FSTL5: variants seen among roughly 807,000 people sequenced by gnomAD.
The protein encoded by FSTL5 is follistatin-related protein 5.
A neutral mutation model predicts 89.1 loss-of-function variants in FSTL5; 62 were observed. That is an observed-to-expected ratio of 0.70 (90% CI 0.57 to 0.86). The LOEUF (loss-of-function observed/expected upper bound fraction) is 0.86, where lower values mean the gene tolerates loss of function less well. Ranked by LOEUF, FSTL5 falls within the 40% of genes least tolerant of loss-of-function variation. The probability of loss-of-function intolerance (pLI) is 0.00; values close to 1 mark genes in which losing one functional copy is unlikely to be tolerated. For synonymous variants in FSTL5, 383 were observed against 346.2 expected, an observed-to-expected ratio of 1.11 and a Z score of -1.18; for missense variants, 1,057 against 1,001.6, an observed-to-expected ratio of 1.06 and a Z score of -0.75.
chr4:161,812,342 A>G (rs1456958069), intron 4 of FSTL5, among the ~76,000 whole-genome samples: 2 of 152,188 alleles, frequency 1.3e-5, no homozygotes, highest in Admixed American at 6.5e-5. Flanking sequence ...GTAGGATCAC[A>G]GTCCCTGTGC....
intron 9 of FSTL5, among the ~76,000 whole-genome samples, chr4:161,540,845 T>C (rs1460103709): frequency 6.6e-6 from 1 of 152,138 alleles, no homozygotes; most frequent in African/African-American, 2.4e-5. Context: ...TAAACACTTA[T>C]CAATGCCTTT....
intron 4 of FSTL5, among the ~76,000 whole-genome samples, chr4:161,823,401 G>T (rs1730556936): frequency 6.6e-6 from 1 of 152,186 alleles, no homozygotes; most frequent in Non-Finnish European, 1.5e-5. Flanking sequence ...TTTCAGAGGG[G>T]ACTGAGACAG....
chr4:161,610,186 T>C (rs1734587464), intron 7 of FSTL5, among the ~76,000 whole-genome samples: 2 of 152,028 alleles, frequency 1.3e-5, no homozygotes, highest in South Asian at 2.1e-4. Context: ...CAATATGAGG[T>C]TTAAAAAATT....
intron 6 of FSTL5, among the ~76,000 whole-genome samples, chr4:161,694,656 T>A (rs1340716838): frequency 6.6e-6 from 1 of 152,050 alleles, no homozygotes; most frequent in Non-Finnish European, 1.5e-5. Context: ...TTGTTATTTT[T>A]TTCCCCATGA....
chr4:161,600,434 A>T (rs1341527094), intron 7 of FSTL5, among the ~76,000 whole-genome samples: 2 of 147,676 alleles, frequency 1.4e-5, no homozygotes, highest in Non-Finnish European at 3.0e-5. Flanking sequence ...AAGTATAGAT[A>T]TATCTCTTTT....
intron 4 of FSTL5, among the ~76,000 whole-genome samples, chr4:161,862,748 A>G (rs999846165): frequency 1.1e-4 from 17 of 152,066 alleles, no homozygotes; most frequent in Non-Finnish European, 2.4e-4. Flanking sequence ...AAATAAATAA[A>G]TAGAGAAAGA....
chr4:161,385,300 GT>G lies in FSTL5; in HGVS notation c.*446del, dbSNP rs1730578980. 1 of 158,010 alleles carries G rather than the reference GT, an allele frequency of 6.3e-6. No individual in the cohort carries two copies. Among genetic ancestry groups the G allele is most frequent in the Non-Finnish European group, 1.4e-5 (1 of 71,464 alleles). The allele number at this position is 158,010 out of a possible 1,614,324, so 9.8% of individuals were successfully genotyped here. A position where few individuals can be genotyped will look rare whatever the true frequency, so the allele number is the denominator to read the frequency against. On this transcript the variant is annotated 3_prime_UTR_variant, in exon 16 of 16. Transcript: ENST00000306100. ...TTCAAGGCACAAAATATTATAAACA[GT>G]GGACAGGACCGAATATTTTGAATTA...
intron 8 of FSTL5, among the ~76,000 whole-genome samples, chr4:161,551,683 A>G (rs1490241555): frequency 1.3e-5 from 2 of 151,990 alleles, no homozygotes; most frequent in African/African-American, 2.4e-5. Flanking sequence ...ATAATGCCGC[A>G]TATCTACAAC....
rs114672419 is a variant in FSTL5, at chr4:161,553,351, C to T, written c.1016-10658G>A. ...TTCTACAAAAATGTAATCAAGTAAA[C>T]TTCTATTACCTAAAATGGAAGGAGA... On this transcript the variant is annotated intron_variant, in intron 8 of 15. Transcript: ENST00000306100. 8.1e-3 allele frequency among the ~76,000 whole-genome samples: 1,227 copies of T among 151,192 alleles called. 19 individuals carry two copies. The highest frequency in any genetic ancestry group is 0.029 in the African/African-American group (1,186 of 41,340).
intron 7 of FSTL5, among the ~76,000 whole-genome samples, chr4:161,613,118 T>A (rs1734709770): frequency 6.6e-6 from 1 of 152,170 alleles, no homozygotes; most frequent in Non-Finnish European, 1.5e-5. Flanking sequence ...TAATACATGA[T>A]AATTCACTAA....
intron 8 of FSTL5, among the ~76,000 whole-genome samples, chr4:161,576,200 C>T (rs1733202374): frequency 6.6e-6 from 1 of 152,146 alleles, no homozygotes; most frequent in South Asian, 2.1e-4. Flanking sequence ...ACATTCCATG[C>T]TCATAGATAG....
rs1296464478 is a variant in FSTL5 at position 161,567,720 on chromosome 4, A to G, written c.1015+19735T>C. Among the ~76,000 whole-genome samples, 9 of 152,148 alleles carry G rather than the reference A, an allele frequency of 5.9e-5. No homozygotes were observed. The South Asian group carries it at 1.2e-3, about 21-fold the overall frequency. ...ATTCTAGCTGAATGAATTTAAGTCTAAGTCAATCATAGGTGAATAAAAAAT... is the reference window on the plus strand; with the variant it reads ...ATTCTAGCTGAATGAATTTAAGTCTGAGTCAATCATAGGTGAATAAAAAAT... On this transcript the variant is annotated intron_variant, in intron 8 of 15. Transcript: ENST00000306100.
intron 6 of FSTL5, among the ~76,000 whole-genome samples, chr4:161,726,191 T>C (rs182165725): frequency 6.6e-6 from 1 of 151,742 alleles, no homozygotes; most frequent in African/African-American, 2.4e-5. Flanking sequence ...TGGAAAAAAA[T>C]TAGGATGCAA....
At chr4:161,920,294 C>CT (rs540200186) in intron 4 of FSTL5, 110 bp downstream of exon 4, 6 of 1,092,478 alleles carry the variant, frequency 5.5e-6, no homozygotes, top group Non-Finnish European at 7.9e-6. Context: ...TTTTGTGTTT[C>CT]TTTTCCTTTT....
intron 2 of FSTL5, among the ~76,000 whole-genome samples, chr4:162,050,295 A>G (rs1008198027): frequency 1.3e-5 from 2 of 151,430 alleles, no homozygotes; most frequent in Non-Finnish European, 3.0e-5. Context: ...CTCATACAGG[A>G]AAAATAATTA....
chr4:161,506,205 A>T (rs906348671), intron 11 of FSTL5, among the ~76,000 whole-genome samples: 3 of 149,748 alleles, frequency 2.0e-5, no homozygotes, highest in Admixed American at 6.7e-5. Context: ...AGTAGCTGGG[A>T]TTACAGGCAT....
intron 3 of FSTL5, among the ~76,000 whole-genome samples, chr4:161,987,063 G>A (rs918801982): frequency 1.3e-5 from 2 of 152,074 alleles, no homozygotes; most frequent in African/African-American, 4.8e-5. Context: ...ATCTATAGTA[G>A]CTCCAAGACA....
At chr4:161,813,570 A>G (rs1730232300) in intron 4 of FSTL5, among the ~76,000 whole-genome samples, 1 of 152,114 alleles carries the variant, frequency 6.6e-6, no homozygotes, top group Admixed American at 6.6e-5. Context: ...GCTACTTGAC[A>G]TTTCTCGTTT....
chr4:161,829,190 A>T (rs1730764624), intron 4 of FSTL5, among the ~76,000 whole-genome samples: 1 of 147,212 alleles, frequency 6.8e-6, no homozygotes, highest in Non-Finnish European at 1.5e-5. Context: ...ATATATATTA[A>T]ATATAGTCTA....
Sources: allele counts gnomAD v4.1 joint callset (sites outside exome capture counted in the v4.1 genomes callset), GRCh38; gene constraint gnomAD v4.1.1; transcripts MANE v1.5; gene names NCBI Gene and HGNC (gene_info 2026-07-23, HGNC 2026-07-21).